The following GLI2 variants were observed in gnomAD, a reference collection of about 807,000 sequenced individuals.
GLI2 encodes GLI family zinc finger 2, also known as transcription activator GLI2.
In GLI2, 22 loss-of-function variants were observed where a neutral mutation model predicts 78.9. The observed-to-expected ratio is 0.28, with a 90% CI of 0.20 to 0.40. The LOEUF (loss-of-function observed/expected upper bound fraction) is 0.40, where lower values mean the gene tolerates loss of function less well. GLI2 is among the 10% of genes least tolerant of loss of function. The probability of loss-of-function intolerance (pLI) is 1.00; values close to 1 mark genes in which losing one functional copy is unlikely to be tolerated. For synonymous variants in GLI2, 974 were observed against 963.7 expected (o/e 1.01, Z -0.20); for missense variants, 2,097 against 2,213.2 (o/e 0.95, Z 1.05).
At position 120,745,195 on chromosome 2, in the gene GLI2, A is replaced by G. The variant is rs183754688; in HGVS notation, c.-31+8910A>G. 2.0e-5 allele frequency among the ~76,000 whole-genome samples: 3 copies of G among 152,294 alleles called. No individual in the cohort carries two copies. The East Asian group carries it at 5.8e-4, about 29-fold the overall frequency. Reference sequence around the variant, plus strand: ...AGAAACAAGAGAGTATATTAAGTTAACATGTTGGTTTATGTGCTGTAGGTT... The same window carrying G: ...AGAAACAAGAGAGTATATTAAGTTAGCATGTTGGTTTATGTGCTGTAGGTT... On this transcript the variant is annotated intron_variant, in intron 1 of 13. Transcript: ENST00000361492.
rs1022541207 is a variant in GLI2, at chr2:120,737,653, C to G, written c.-31+1368C>G. On this transcript the variant is annotated intron_variant, in intron 1 of 13. Transcript: ENST00000361492. This position sits in a 1 kb window ranked among gnomAD's most constrained non-coding sequence, Gnocchi z 4.3. ...CGGGCCCCCTCTCCGCCGCTCTTGC[C>G]GGGCGTGTGAAGGTTTAATCCCGAC... Among the ~76,000 whole-genome samples, 1 of 152,164 alleles carries G rather than the reference C, an allele frequency of 6.6e-6. No individual in the cohort carries two copies. The highest frequency in any genetic ancestry group is 1.5e-5 in the Non-Finnish European group (1 of 68,042).
intron 2 of GLI2, among the ~76,000 whole-genome samples, chr2:120,895,243 CAAA>C (rs953281573): frequency 6.6e-6 from 1 of 152,184 alleles, no homozygotes. Flanking sequence ...AAAACAACAA[CAAA>C]ACTAAACGTG....
chr2:120,787,689 C>T (rs889165326), intron 1 of GLI2, among the ~76,000 whole-genome samples: 11 of 152,222 alleles, frequency 7.2e-5, no homozygotes, highest in African/African-American at 2.7e-4. Context: ...TCTGGCGGGC[C>T]GGCCACACAG....
intron 2 of GLI2, among the ~76,000 whole-genome samples, chr2:120,909,896 C>T (rs189730099): frequency 6.6e-6 from 1 of 152,226 alleles, no homozygotes; most frequent in African/African-American, 2.4e-5. Context: ...TTAAAATCCA[C>T]TTTACAGGTG....
intron 1 of GLI2, among the ~76,000 whole-genome samples, chr2:120,753,342 T>A (rs1349424097): frequency 1.3e-5 from 2 of 152,158 alleles, no homozygotes; most frequent in Non-Finnish European, 2.9e-5. Context: ...GTGATCTACC[T>A]GCGTCGACCT....
chr2:120,934,110 T>C (rs1018013452), intron 3 of GLI2, among the ~76,000 whole-genome samples: 2 of 152,182 alleles, frequency 1.3e-5, no homozygotes, highest in Admixed American at 6.5e-5. Flanking sequence ...AGGCCAGAGT[T>C]TGGGGACCAC....
intron 1 of GLI2, among the ~76,000 whole-genome samples, chr2:120,766,204 G>A (rs1240120164): frequency 1.3e-5 from 2 of 152,178 alleles, no homozygotes; most frequent in African/African-American, 4.8e-5. Flanking sequence ...CGCAGCCTTC[G>A]GTCCAGCTGT....
intron 2 of GLI2, among the ~76,000 whole-genome samples, chr2:120,876,070 G>A (rs559717822): frequency 8.5e-5 from 13 of 152,158 alleles, no homozygotes; most frequent in Non-Finnish European, 1.5e-4. Flanking sequence ...GGCCGGGTGC[G>A]GTGGCTCACA....
In GLI2 at chr2:120,800,955, A is replaced by C. The variant is rs1168830083; in HGVS notation, c.148+3487A>C. On this transcript the variant is annotated intron_variant, in intron 2 of 13. Coordinates refer to ENST00000361492, the MANE Select transcript of GLI2 (RefSeq NM_001374353.1). This position sits in a 1 kb window ranked among gnomAD's most constrained non-coding sequence, Gnocchi z 4.1. ...AAGCTGTCAGGGGCTGTTTCCTGGC[A>C]TCTGTAAGGTATCCAGATGTGGGGG... Among the ~76,000 whole-genome samples the C allele has an allele frequency of 6.6e-6, 1 of 152,200 alleles. No homozygotes were observed. Among genetic ancestry groups the C allele is most frequent in the Non-Finnish European group, 1.5e-5 (1 of 68,038 alleles).
chr2:120,874,463 C>T (rs1396796220), intron 2 of GLI2, among the ~76,000 whole-genome samples: 4 of 152,224 alleles, frequency 2.6e-5, no homozygotes, highest in Admixed American at 1.3e-4. Context: ...CCCGTCTGTG[C>T]GCAGAGCCCT....
At chr2:120,789,493 G>A (rs947229481) in intron 1 of GLI2, among the ~76,000 whole-genome samples, 5 of 152,200 alleles carry the variant, frequency 3.3e-5, no homozygotes, top group African/African-American at 1.2e-4. Flanking sequence ...GAAGCCACAG[G>A]GCAGACTGGA....
chr2:120,927,680 C>T (rs543930121), intron 3 of GLI2, among the ~76,000 whole-genome samples: 5 of 152,354 alleles, frequency 3.3e-5, no homozygotes, highest in Admixed American at 3.3e-4. Context: ...CACCCCCGAG[C>T]CCACATCACC....
At chr2:120,799,426 C>G (rs962268606) in intron 2 of GLI2, among the ~76,000 whole-genome samples, 1 of 152,186 alleles carries the variant, frequency 6.6e-6, no homozygotes, top group African/African-American at 2.4e-5. Context: ...GTGTCTGCTG[C>G]TGGAGAGTTG....
intron 3 of GLI2, among the ~76,000 whole-genome samples, chr2:120,948,452 C>T (rs1039559021): frequency 2.6e-5 from 4 of 152,104 alleles, no homozygotes; most frequent in African/African-American, 2.4e-5. Flanking sequence ...GTCTACCTTC[C>T]CCAAATGGTG....
intron 2 of GLI2, among the ~76,000 whole-genome samples, chr2:120,863,641 A>C (rs927355649): frequency 6.6e-6 from 1 of 152,360 alleles, no homozygotes; most frequent in South Asian, 2.1e-4. Flanking sequence ...TAACATGGAA[A>C]GCTACTCATA....
chr2:120,889,227 G>C (rs1406740648), intron 2 of GLI2, among the ~76,000 whole-genome samples: 2 of 152,256 alleles, frequency 1.3e-5, no homozygotes, highest in Non-Finnish European at 2.9e-5. Context: ...TGAGATGCTC[G>C]AGGAAACTCA....
At chr2:120,895,945 G>T (rs1261126191) in intron 2 of GLI2, among the ~76,000 whole-genome samples, 1 of 152,156 alleles carries the variant, frequency 6.6e-6, no homozygotes, top group Non-Finnish European at 1.5e-5. Context: ...GCTATTTCTT[G>T]CTCATCACCT....
intron 8 of GLI2, 98 bp downstream of exon 8, chr2:120,972,161 GCTGC>G: frequency 7.3e-7 from 1 of 1,372,834 alleles, no homozygotes; most frequent in Non-Finnish European, 1.0e-6. Flanking sequence ...TGGCTGGCTG[GCTGC>G]CTGCATGGAT....
intron 2 of GLI2, among the ~76,000 whole-genome samples, chr2:120,857,431 A>G (rs1236556587): frequency 2.0e-5 from 1 of 49,848 alleles, no homozygotes; most frequent in Non-Finnish European, 4.0e-5. Context: ...CCACCCACCC[A>G]CCTACCTACC....
Sources: gnomAD v4.1 joint callset for allele counts (sites outside exome capture counted in the v4.1 genomes callset) on GRCh38, gnomAD v4.1.1 for gene constraint, Gnocchi (gnomAD v3.1) non-coding constraint, MANE v1.5 for transcripts, NCBI Gene and HGNC (gene_info 2026-07-23, HGNC 2026-07-21) for gene names.